Variants in SH3PXD2B observed in about 807,000 individuals in gnomAD.
The protein encoded by SH3PXD2B is SH3 and PX domains 2B, also known as SH3 and PX domain-containing protein 2B.
SH3PXD2B carries 37 observed loss-of-function variants against 73.1 expected under a neutral mutation model. The ratio of observed to expected loss-of-function variants is 0.51; its 90% confidence interval spans 0.39 to 0.67. The LOEUF is 0.67. Among genes scored for constraint, SH3PXD2B ranks in the 30% least tolerant of loss-of-function variants. The probability of loss-of-function intolerance (pLI) is 0.00; values close to 1 mark genes in which losing one functional copy is unlikely to be tolerated. For synonymous variants in SH3PXD2B, 457 were observed against 480.5 expected (o/e 0.95, Z 0.64); for missense variants, 1,053 against 1,197.8 (o/e 0.88, Z 1.78).
At chr5:172,355,467 A>G (rs1358623442) in intron 8 of SH3PXD2B, among the ~76,000 whole-genome samples, 1 of 152,102 alleles carries the variant, frequency 6.6e-6, no homozygotes, top group African/African-American at 2.4e-5. Context: ...CGGGTCCCAG[A>G]AAGAGTGCAG....
intron 4 of SH3PXD2B, among the ~76,000 whole-genome samples, chr5:172,382,874 AT>A (rs1214944033): frequency 2.3e-5 from 3 of 128,922 alleles, no homozygotes; most frequent in African/African-American, 9.8e-5. Flanking sequence ...GATTATAGGC[AT>A]GTGCTACCAT....
chr5:172,429,715 C>T (rs1191383205), intron 1 of SH3PXD2B, among the ~76,000 whole-genome samples: 1 of 152,194 alleles, frequency 6.6e-6, no homozygotes, highest in African/African-American at 2.4e-5. Flanking sequence ...CCCGAGCCAG[C>T]AGGCCAGGCT....
At chr5:172,396,411 T>C (rs1051432209) in intron 3 of SH3PXD2B, among the ~76,000 whole-genome samples, 1 of 151,610 alleles carries the variant, frequency 6.6e-6, no homozygotes, top group African/African-American at 2.4e-5. Context: ...GTAAGAATTT[T>C]CATATGACAG....
At chr5:172,408,149 G>T (rs1248474882) in intron 2 of SH3PXD2B, among the ~76,000 whole-genome samples, 5 of 147,818 alleles carry the variant, frequency 3.4e-5, no homozygotes, top group Admixed American at 3.4e-4. Context: ...TAAACTGTGG[G>T]TTTTTTTTTT....
chr5:172,410,475 C>G (rs532741350), intron 2 of SH3PXD2B, among the ~76,000 whole-genome samples: 21 of 152,238 alleles, frequency 1.4e-4, no homozygotes, highest in South Asian at 1.2e-3. Flanking sequence ...AATGCCAGCA[C>G]ATAGTAGATG....
In SH3PXD2B at chr5:172,336,473, A is replaced by G. The variant is rs868414337; in HGVS notation, c.*1896T>C. ...TGCAGGCCGACTGGACGAAGGCACTAAAGATGCTACAGGTGATCAGAGGAA... is the reference window on the plus strand; with the variant it reads ...TGCAGGCCGACTGGACGAAGGCACTGAAGATGCTACAGGTGATCAGAGGAA... On this transcript the variant is annotated 3_prime_UTR_variant, in exon 13 of 13. Transcript: ENST00000311601. 2.0e-6 allele frequency: 2 copies of G among 986,066 alleles called. No homozygotes were observed. The highest frequency in any genetic ancestry group is 1.7e-5 in the African/African-American group (1 of 57,380). The allele number at this position is 986,066 out of a possible 1,614,324, so 61.1% of individuals were successfully genotyped here. A position where few individuals can be genotyped will look rare whatever the true frequency, so the allele number is the denominator to read the frequency against.
intron 1 of SH3PXD2B, among the ~76,000 whole-genome samples, chr5:172,452,983 C>T (rs1187190187): frequency 6.6e-6 from 1 of 152,146 alleles, no homozygotes; most frequent in African/African-American, 2.4e-5. Flanking sequence ...AACTGGCTGC[C>T]CAGCCAATAA....
chr5:172,372,098 C>T (rs1219657608), intron 6 of SH3PXD2B, among the ~76,000 whole-genome samples: 1 of 152,230 alleles, frequency 6.6e-6, no homozygotes, highest in East Asian at 1.9e-4. Context: ...TACCCAGGGG[C>T]AGCAAAGGTA....
Position 172,353,081 on chromosome 5 carries a change from T to C in SH3PXD2B, c.785+807A>G, listed in dbSNP as rs980744699. Among the ~76,000 whole-genome samples the C allele has an allele frequency of 1.3e-5, 2 of 152,170 alleles. No homozygotes were observed. Among genetic ancestry groups the C allele is most frequent in the African/African-American group, 2.4e-5 (1 of 41,446 alleles). ...CTGTACCAGGTGGTGTGAGCTATTG[T>C]ATCTTGCTCACTGTTGACTCCTCAG... On this transcript the variant is annotated intron_variant, in intron 9 of 12. Coordinates refer to ENST00000311601, the MANE Select transcript of SH3PXD2B (RefSeq NM_001017995.3). This position sits in a 1 kb window ranked among gnomAD's most constrained non-coding sequence, Gnocchi z 4.3.
rs1756778879 is a variant in SH3PXD2B, at chr5:172,339,081, GA to G, written c.2023del (p.Ser675ProfsTer15). 1 of 1,614,088 alleles carries G rather than the reference GA, an allele frequency of 6.2e-7. No individual in the cohort carries two copies. The highest frequency in any genetic ancestry group is 1.3e-5 in the African/African-American group (1 of 74,932). ...NLRSKLRPAK[S>X]QDKSLLDGEG... ...CCCATCCAACAAGGACTTGTCTTGG[GA>G]CTTGGCAGGCCTGAGCTTACTCCTG... On this transcript the variant is annotated frameshift_variant, in exon 13 of 13. Coordinates refer to ENST00000311601, the MANE Select transcript of SH3PXD2B (RefSeq NM_001017995.3). LOFTEE classifies it low-confidence loss of function (END_TRUNC). The surrounding 1 kb of genome is among the most constrained non-coding windows in gnomAD (Gnocchi z 6.1).
At chr5:172,428,762 A>G (rs919460294) in intron 1 of SH3PXD2B, among the ~76,000 whole-genome samples, 19 of 152,150 alleles carry the variant, frequency 1.2e-4, no homozygotes, top group African/African-American at 4.6e-4. Flanking sequence ...CTTGAGCTCG[A>G]GCTCTTGACC....
intron 1 of SH3PXD2B, 37 bp from the exon 2 acceptor site, chr5:172,422,533 G>A: frequency 6.3e-7 from 1 of 1,582,650 alleles, no homozygotes; most frequent in Non-Finnish European, 8.6e-7. Context: ...GTTAACACCA[G>A]AAGGTGGTCT....
Position 172,403,177 on chromosome 5 carries a change from C to T in SH3PXD2B, c.232+3100G>A, listed in dbSNP as rs74432908. Among the ~76,000 whole-genome samples the T allele has an allele frequency of 4.9e-3, 751 of 152,350 alleles. 6 individuals are homozygous for T. The highest frequency in any genetic ancestry group is 0.017 in the African/African-American group (710 of 41,588). On this transcript the variant is annotated intron_variant, in intron 3 of 12. Transcript: ENST00000311601. ...GAGCACAGCCTTTGGTGGGAATGGT[C>T]GGCTTTTGTTTTCCACTGTGGAGGA...
At chr5:172,349,600 C>T (rs1757113271) in intron 10 of SH3PXD2B, among the ~76,000 whole-genome samples, 1 of 152,208 alleles carries the variant, frequency 6.6e-6, no homozygotes, top group Non-Finnish European at 1.5e-5. Flanking sequence ...GAGAGCACAG[C>T]ACTCCCCAGG....
chr5:172,443,542 G>C (rs565617622), intron 1 of SH3PXD2B, among the ~76,000 whole-genome samples: 1 of 152,334 alleles, frequency 6.6e-6, no homozygotes, highest in South Asian at 2.1e-4. Flanking sequence ...TTATCCTATG[G>C]AGATGCATTC....
At chr5:172,350,017 G>A (rs1049130473) in intron 10 of SH3PXD2B, among the ~76,000 whole-genome samples, 1 of 152,132 alleles carries the variant, frequency 6.6e-6, no homozygotes, top group Non-Finnish European at 1.5e-5. Context: ...ACCACGCCTG[G>A]CTAATTTTTG....
chr5:172,409,633 T>A (rs1051188687), intron 2 of SH3PXD2B, among the ~76,000 whole-genome samples: 1 of 152,252 alleles, frequency 6.6e-6, no homozygotes, highest in African/African-American at 2.4e-5. Context: ...TCTATGTTGC[T>A]GCAAATGACA....
rs371831121 is a variant in SH3PXD2B at position 172,339,812 on chromosome 5, C to T, written c.1293G>A (p.Ala431=). 1.3e-5 allele frequency: 21 copies of T among 1,613,794 alleles called. No homozygotes were observed. Among genetic ancestry groups the T allele is most frequent in the African/African-American group, 5.3e-5 (4 of 74,938 alleles). Residue 431 remains alanine (A), a synonymous_variant, in exon 13 of 13, where the codon GCG becomes GCA. Transcript: ENST00000311601. The surrounding 1 kb of genome is among the most constrained non-coding windows in gnomAD (Gnocchi z 6.1). Reference sequence around the variant, plus strand: ...GGGGAGCCAGAAAGTTGGGTCTCGACGCGTTGCTCGTCTTCTTGTACTTGT... The same window carrying T: ...GGGGAGCCAGAAAGTTGGGTCTCGATGCGTTGCTCGTCTTCTTGTACTTGT... ...FIDKYKKTSN[A]SRPNFLAPLP...
At chr5:172,366,702 G>A (rs951335677) in intron 6 of SH3PXD2B, among the ~76,000 whole-genome samples, 2 of 151,614 alleles carry the variant, frequency 1.3e-5, no homozygotes, top group African/African-American at 2.4e-5. Flanking sequence ...GTGCAATCTC[G>A]GCTCACTGCA....
Sources: allele counts gnomAD v4.1 joint callset (sites outside exome capture counted in the v4.1 genomes callset), GRCh38; gene constraint gnomAD v4.1.1; non-coding constraint Gnocchi (gnomAD v3.1); transcripts MANE v1.5; gene names NCBI Gene and HGNC (gene_info 2026-07-23, HGNC 2026-07-21).